The following CD226 variants were observed in gnomAD, a reference collection of about 807,000 sequenced individuals.
CD226 encodes the protein CD226 antigen.
In CD226, 24 loss-of-function variants were observed where a neutral mutation model predicts 34.9. The ratio of observed to expected loss-of-function variants is 0.69; its 90% confidence interval spans 0.50 to 0.97. CD226 has a LOEUF of 0.97. CD226 is among the 50% of genes least tolerant of loss of function. CD226 has a pLI of 0.00. For synonymous variants in CD226, 148 were observed against 147.4 expected (o/e 1.00, Z -0.03); for missense variants, 397 against 412.7 (o/e 0.96, Z 0.33).
At chr18:69,961,199 A>C (rs1224907114), upstream of CD226, among the ~76,000 whole-genome samples, 1 of 152,236 alleles carries the variant, frequency 6.6e-6, no homozygotes, top group Non-Finnish European at 1.5e-5. Flanking sequence ...ATATATATGA[A>C]TGTACCTCAA....
In CD226 at chr18:69,855,196, G is replaced by A. The variant is rs78360225; in HGVS notation, c.*9118C>T. 2.0e-5 allele frequency: 3 copies of A among 152,206 alleles called. No homozygotes were observed. In the South Asian group the frequency reaches 6.2e-4, roughly 32 times the overall value. The allele number at this position is 152,206 out of a possible 1,614,324, so 9.4% of individuals were successfully genotyped here. ...AGAGATAAAGCAATCATTGGAACCA[G>A]ATAGAGACATGACACGTGTCAGAAT... On this transcript the variant is annotated 3_prime_UTR_variant, in exon 6 of 6. Coordinates refer to ENST00000582621, the MANE Select transcript of CD226 (RefSeq NM_001303618.2).
chr18:69,879,029 A>G (rs1336521288), intron 3 of CD226, among the ~76,000 whole-genome samples: 1 of 152,138 alleles, frequency 6.6e-6, no homozygotes, highest in African/African-American at 2.4e-5. Flanking sequence ...TAAAACCAGC[A>G]AGTTTTTATT....
intron 2 of CD226, among the ~76,000 whole-genome samples, chr18:69,924,999 C>T (rs748742680): frequency 2.0e-5 from 3 of 152,168 alleles, no homozygotes; most frequent in Non-Finnish European, 2.9e-5. Flanking sequence ...TCCATTAGAA[C>T]AGATAAGCAA....
At position 69,899,978 on chromosome 18, in the gene CD226, C is replaced by T. The variant is rs548426524; in HGVS notation, c.383-3933G>A. Among the ~76,000 whole-genome samples the T allele has an allele frequency of 3.3e-5, 5 of 152,268 alleles. No homozygotes were observed. The East Asian group carries it at 9.7e-4, about 29-fold the overall frequency. On this transcript the variant is annotated intron_variant, in intron 2 of 5. Transcript: ENST00000582621. ...ATCCCACTATAAAGACACATATGTA[C>T]ATGAATGTTCACTGCAGCACTAATC...
At chr18:69,911,954 C>A (rs2055331013) in intron 2 of CD226, among the ~76,000 whole-genome samples, 1 of 152,152 alleles carries the variant, frequency 6.6e-6, no homozygotes, top group Admixed American at 6.5e-5. Flanking sequence ...ACTTTTTGTT[C>A]AGCTGAATAC....
Position 69,859,478 on chromosome 18 carries a change from A to G in CD226, c.*4836T>C, listed in dbSNP as rs963368853. 6.6e-6 allele frequency: 1 copy of G among 152,208 alleles called. No individual in the cohort carries two copies. Among genetic ancestry groups the G allele is most frequent in the African/African-American group, 2.4e-5 (1 of 41,436 alleles). The allele number at this position is 152,208 out of a possible 1,614,324, so 9.4% of individuals were successfully genotyped here. On this transcript the variant is annotated 3_prime_UTR_variant, in exon 6 of 6. Coordinates refer to ENST00000582621, the MANE Select transcript of CD226 (RefSeq NM_001303618.2). ...CAAATATTGATATAATCATATTTTAATACAAATATTTCTGAAAGAGACATG... is the reference window on the plus strand; with the variant it reads ...CAAATATTGATATAATCATATTTTAGTACAAATATTTCTGAAAGAGACATG...
intron 1 of CD226, chr18:69,956,734 T>C (rs1430560910): frequency 6.6e-6 from 1 of 152,222 alleles, no homozygotes; most frequent in Non-Finnish European, 1.5e-5. Flanking sequence ...ATCCAGTCTT[T>C]TTTCTGAGAA....
upstream of CD226, among the ~76,000 whole-genome samples, chr18:69,957,886 G>T (rs1423704358): frequency 1.3e-5 from 2 of 152,160 alleles, no homozygotes; most frequent in South Asian, 4.1e-4. Flanking sequence ...TTACTGACTT[G>T]CAAGGCCTGC....
chr18:69,864,246 A>C lies in CD226; in HGVS notation c.*68T>G, dbSNP rs1387030154. On this transcript the variant is annotated 3_prime_UTR_variant, in exon 6 of 6. Coordinates refer to ENST00000582621, the MANE Select transcript of CD226 (RefSeq NM_001303618.2). ...AAGGTAGACCTTGGGTAGTGGAAAA[A>C]AATTGCATAAAGATCCATGCATGAG... 7 of 1,528,808 alleles carry C rather than the reference A, an allele frequency of 4.6e-6. No individual in the cohort carries two copies. The highest frequency in any genetic ancestry group is 6.3e-6 in the Non-Finnish European group (7 of 1,113,812). 94.7% of individuals were successfully genotyped at this position (1,528,808 alleles called of 1,614,324 possible).
chr18:69,910,193 C>G (rs2055306727), intron 2 of CD226, among the ~76,000 whole-genome samples: 1 of 152,168 alleles, frequency 6.6e-6, no homozygotes, highest in South Asian at 2.1e-4. Flanking sequence ...AAGGAGGCAG[C>G]CCTGTGAGGA....
chr18:69,958,523 A>G (rs2055913769), upstream of CD226, among the ~76,000 whole-genome samples: 1 of 152,170 alleles, frequency 6.6e-6, no homozygotes, highest in African/African-American at 2.4e-5. Context: ...TTTTGAGTCA[A>G]AACTCTTCCT....
chr18:69,881,361 T>A (rs1162647394), intron 3 of CD226, among the ~76,000 whole-genome samples: 2 of 152,154 alleles, frequency 1.3e-5, no homozygotes, highest in Non-Finnish European at 2.9e-5. Flanking sequence ...TTGTCCCACT[T>A]TAGACATTGG....
intron 2 of CD226, among the ~76,000 whole-genome samples, chr18:69,918,590 G>A (rs1042619982): frequency 3.9e-5 from 6 of 152,072 alleles, no homozygotes; most frequent in African/African-American, 1.4e-4. Context: ...CAGCTATTAA[G>A]GATAGAGTGG....
intron 3 of CD226, among the ~76,000 whole-genome samples, chr18:69,885,612 A>G (rs1984513210): frequency 1.3e-5 from 2 of 152,168 alleles, no homozygotes; most frequent in South Asian, 4.1e-4. Flanking sequence ...AGTGGCCAGA[A>G]GCTGTGCCTA....
Position 69,860,107 on chromosome 18 carries a change from T to C in CD226, c.*4207A>G, listed in dbSNP as rs1318036837. 1.3e-5 allele frequency: 2 copies of C among 152,116 alleles called. No individual in the cohort carries two copies. Among genetic ancestry groups the C allele is most frequent in the African/African-American group, 2.4e-5 (1 of 41,434 alleles). The allele number at this position is 152,116 out of a possible 1,614,324, so 9.4% of individuals were successfully genotyped here. On this transcript the variant is annotated 3_prime_UTR_variant, in exon 6 of 6. Coordinates refer to ENST00000582621, the MANE Select transcript of CD226 (RefSeq NM_001303618.2). ...ATAATAAAATAAAATACAAAGAACATTGCATTGAGATAAAAATTACAATGT... is the reference window on the plus strand; with the variant it reads ...ATAATAAAATAAAATACAAAGAACACTGCATTGAGATAAAAATTACAATGT...
intron 2 of CD226, among the ~76,000 whole-genome samples, chr18:69,905,715 A>C (rs2055244459): frequency 6.6e-6 from 1 of 152,232 alleles, no homozygotes; most frequent in African/African-American, 2.4e-5. Context: ...GGGGAGAGAC[A>C]CACAAGCAGA....
chr18:69,950,137 C>A (rs1420764464), upstream of CD226, among the ~76,000 whole-genome samples: 1 of 150,614 alleles, frequency 6.6e-6, no homozygotes, highest in Non-Finnish European at 1.5e-5. Context: ...CACAATCTCA[C>A]ACAATCACAT....
chr18:69,936,942 C>CAAT (rs2055661314), intron 2 of CD226, among the ~76,000 whole-genome samples: 1 of 152,166 alleles, frequency 6.6e-6, no homozygotes, highest in South Asian at 2.1e-4. Context: ...CTTTGACAGG[C>CAAT]AATAGCCTTT....
intron 3 of CD226, among the ~76,000 whole-genome samples, chr18:69,875,752 C>A (rs1219103905): frequency 6.6e-6 from 1 of 152,174 alleles, no homozygotes; most frequent in Non-Finnish European, 1.5e-5. Flanking sequence ...TGAAATCCTG[C>A]CATTTGCGAC....
Sources: gnomAD v4.1 joint callset for allele counts (sites outside exome capture counted in the v4.1 genomes callset) on GRCh38, gnomAD v4.1.1 for gene constraint, MANE v1.5 for transcripts, NCBI Gene and HGNC (gene_info 2026-07-23, HGNC 2026-07-21) for gene names.